RGS6: variants seen among roughly 807,000 people sequenced by gnomAD.
The protein encoded by RGS6 is regulator of G-protein signaling 6.
Under a neutral mutation model 78.5 loss-of-function variants are expected in RGS6, and 30 were observed. That is an observed-to-expected ratio of 0.38 (90% CI 0.29 to 0.52). The LOEUF (loss-of-function observed/expected upper bound fraction) is 0.52, where lower values mean the gene tolerates loss of function less well. Ranked by LOEUF, RGS6 falls within the 20% of genes least tolerant of loss-of-function variation. RGS6 has a pLI of 0.85. For missense variants in RGS6, 495 were observed against 609.7 expected (o/e 0.81, Z 1.98); for synonymous variants, 206 against 206.0 (o/e 1.00, Z 0.00).
chr14:72,338,716 C>T (rs1371957811), intron 2 of RGS6, among the ~76,000 whole-genome samples: 1 of 152,208 alleles, frequency 6.6e-6, no homozygotes, highest in African/African-American at 2.4e-5. Context: ...GTTGGTGATA[C>T]CTGCTTGGAA....
At chr14:72,231,620 T>C (rs1436971299) in intron 2 of RGS6, among the ~76,000 whole-genome samples, 1 of 152,142 alleles carries the variant, frequency 6.6e-6, no homozygotes, top group Non-Finnish European at 1.5e-5. Flanking sequence ...AAAGCCAAGT[T>C]AGGCAATAGA....
intron 3 of RGS6, among the ~76,000 whole-genome samples, chr14:72,422,898 G>A (rs1252859898): frequency 1.3e-5 from 2 of 152,250 alleles, no homozygotes; most frequent in East Asian, 1.9e-4. Context: ...AGAGCCAGGA[G>A]AGGGCATGGA....
At chr14:72,089,615 CT>C (rs780153690) in intron 2 of RGS6, among the ~76,000 whole-genome samples, 2 of 152,068 alleles carry the variant, frequency 1.3e-5, no homozygotes, top group Non-Finnish European at 2.9e-5. Flanking sequence ...ATTTCCTGGT[CT>C]TCTGATGGAA....
chr14:72,517,135 TAAA>T (rs34414996), intron 14 of RGS6, among the ~76,000 whole-genome samples: 270 of 142,174 alleles, frequency 1.9e-3, no homozygotes, highest in Admixed American at 2.6e-3. Flanking sequence ...TGTTTAACCC[TAAA>T]AAAAAAAAAA....
At chr14:72,514,044 C>T (rs1198889512) in intron 14 of RGS6, 6 of 152,202 alleles carry the variant, frequency 3.9e-5, no homozygotes, top group African/African-American at 1.2e-4. Flanking sequence ...ACTTACCAAA[C>T]CCATGATTAA....
chr14:72,159,799 G>A (rs2096827689), intron 2 of RGS6, among the ~76,000 whole-genome samples: 1 of 152,080 alleles, frequency 6.6e-6, no homozygotes, highest in Admixed American at 6.6e-5. Flanking sequence ...GTCAAGCATG[G>A]ACACCAAAAA....
the RGS6 span, among the ~76,000 whole-genome samples, chr14:71,906,990 C>T: frequency 6.6e-6 from 1 of 152,162 alleles, no homozygotes; most frequent in African/African-American, 2.4e-5. Flanking sequence ...AAATATTTTC[C>T]TTTCTCTTGG....
At chr14:72,292,909 C>T (rs898519763) in intron 2 of RGS6, among the ~76,000 whole-genome samples, 2 of 152,200 alleles carry the variant, frequency 1.3e-5, no homozygotes, top group African/African-American at 4.8e-5. Flanking sequence ...AACAATGTTA[C>T]ATTTTCTGAA....
the RGS6 span, among the ~76,000 whole-genome samples, chr14:72,615,998 C>T: frequency 7.9e-5 from 12 of 152,144 alleles, no homozygotes; most frequent in Non-Finnish European, 1.8e-4. Context: ...GCATTTGAGC[C>T]GGAAGACAAC....
At chr14:72,184,519 C>A (rs1288217187) in intron 2 of RGS6, among the ~76,000 whole-genome samples, 1 of 152,056 alleles carries the variant, frequency 6.6e-6, no homozygotes, top group Non-Finnish European at 1.5e-5. Context: ...TTAATTTATG[C>A]TTTCCCTGGA....
intron 13 of RGS6, among the ~76,000 whole-genome samples, chr14:72,499,676 T>G (rs2096695042): frequency 6.6e-6 from 1 of 151,866 alleles, no homozygotes; most frequent in Non-Finnish European, 1.5e-5. Context: ...GTTTGTTTGT[T>G]GTTTTTTTTT....
intron 3 of RGS6, among the ~76,000 whole-genome samples, chr14:72,449,716 G>A (rs999062635): frequency 5.3e-5 from 8 of 152,236 alleles, no homozygotes; most frequent in African/African-American, 1.9e-4. Context: ...ACTCTGGGTG[G>A]ACAGCCCTGT....
intron 2 of RGS6, among the ~76,000 whole-genome samples, chr14:72,147,601 A>G (rs2096622765): frequency 6.6e-6 from 1 of 152,238 alleles, no homozygotes; most frequent in South Asian, 2.1e-4. Context: ...GGTTTCCAGC[A>G]CATAAACTTT....
intron 17 of RGS6, 54 bp from the exon 18 acceptor site, chr14:72,562,363 C>G (rs1328863780): frequency 7.7e-6 from 12 of 1,563,872 alleles, no homozygotes; most frequent in South Asian, 2.2e-5. Flanking sequence ...CTCTCTGTCT[C>G]TGTCCCTCTG....
At chr14:71,874,695 G>T in the RGS6 span, among the ~76,000 whole-genome samples, 1 of 152,190 alleles carries the variant, frequency 6.6e-6, no homozygotes, top group African/African-American at 2.4e-5. Context: ...TAAGAGTGGT[G>T]AGAGAGGGCA....
chr14:72,180,633 G>T (rs2097161786), intron 2 of RGS6, among the ~76,000 whole-genome samples: 2 of 152,192 alleles, frequency 1.3e-5, no homozygotes, highest in South Asian at 2.1e-4. Flanking sequence ...AGCCAAGATA[G>T]CCAGAGTGTA....
Position 72,149,241 on chromosome 14 carries a change from T to G in RGS6, c.84+184366T>G, listed in dbSNP as rs138918737. Among the ~76,000 whole-genome samples, 726 of 152,324 alleles carry G rather than the reference T, an allele frequency of 4.8e-3. 2 individuals carry two copies. Among genetic ancestry groups the G allele is most frequent in the African/African-American group, 0.016 (679 of 41,574 alleles). The stretch of plus-strand genomic sequence containing the variant: ...AATAAAGTGAGAGCCAGACAGAGAC[T>G]ATCACCTTTCATGACCTCGCCTCAG... On this transcript the variant is annotated intron_variant, in intron 2 of 17. Transcript: ENST00000553525.
chr14:72,380,708 T>C (rs1311167969), intron 3 of RGS6, among the ~76,000 whole-genome samples: 3 of 152,066 alleles, frequency 2.0e-5, no homozygotes, highest in African/African-American at 7.2e-5. Context: ...AGGGAACTTA[T>C]GCACTGTTGA....
rs145221202 is a variant in RGS6, at chr14:72,272,852, C to T, written c.85-79243C>T. 3.1e-3 allele frequency among the ~76,000 whole-genome samples: 472 copies of T among 152,292 alleles called. 1 individual carries two copies. The highest frequency in any genetic ancestry group is 0.011 in the African/African-American group (449 of 41,542). ...CTTGGAGACCAGGTGCAATGGCTCA[C>T]GCCTGTAATCCCAACACTTAGGGAG... On this transcript the variant is annotated intron_variant, in intron 2 of 17. Coordinates refer to ENST00000553525, the MANE Select transcript of RGS6 (RefSeq NM_001204424.2).
Sources: allele counts gnomAD v4.1 joint callset (sites outside exome capture counted in the v4.1 genomes callset), GRCh38; gene constraint gnomAD v4.1.1; transcripts MANE v1.5; gene names NCBI Gene and HGNC (gene_info 2026-07-23, HGNC 2026-07-21).